MECOM: variants seen among roughly 807,000 people sequenced by gnomAD.
MECOM encodes histone-lysine N-methyltransferase MECOM.
In MECOM, 13 loss-of-function variants were observed where a neutral mutation model predicts 116.3. The ratio of observed to expected loss-of-function variants is 0.11; its 90% CI spans 0.07 to 0.18. The LOEUF (loss-of-function observed/expected upper bound fraction) is 0.18. Among genes scored for constraint, MECOM ranks in the 10% least tolerant of loss-of-function variants. The pLI is 1.00. For missense variants in MECOM, 1,299 were observed against 1,509.0 expected (o/e 0.86, Z 2.31); for synonymous variants, 528 against 535.2 (o/e 0.99, Z 0.19).
chr3:169,096,252 T>C (rs1043954770), intron 12 of MECOM, among the ~76,000 whole-genome samples: 1 of 151,832 alleles, frequency 6.6e-6, no homozygotes, highest in African/African-American at 2.4e-5. Flanking sequence ...AAAAAAAAGT[T>C]AACTTTCTCC....
chr3:169,174,027 T>C (rs1288887651), intron 2 of MECOM, among the ~76,000 whole-genome samples: 1 of 152,216 alleles, frequency 6.6e-6, no homozygotes, highest in Non-Finnish European at 1.5e-5. Flanking sequence ...AATGTCTCTT[T>C]GCCCAGCATA....
At chr3:169,328,065 T>A (rs565451123) in intron 2 of MECOM, among the ~76,000 whole-genome samples, 8 of 152,312 alleles carry the variant, frequency 5.3e-5, no homozygotes, top group Non-Finnish European at 1.0e-4. Flanking sequence ...GAGCATTTTG[T>A]TTCCATGCTA....
Position 169,115,322 on chromosome 3 carries a change from C to A in MECOM, c.2489+61G>T. 9.9e-6 allele frequency: 15 copies of A among 1,522,360 alleles called. No individual in the cohort carries two copies. In the South Asian group the frequency reaches 1.4e-4, roughly 14 times the overall value. The allele number at this position is 1,522,360 out of a possible 1,614,324, so 94.3% of individuals were successfully genotyped here. A position where few individuals can be genotyped will look rare whatever the true frequency, so the allele number is the denominator to read the frequency against. ...GATGTGTTAAAAAGCCATCACTTTA[C>A]AGTGGAAATACCGCCTTTCATACAT... On this transcript the variant is annotated intron_variant, in intron 8 of 16. Coordinates refer to ENST00000651503, the MANE Select transcript of MECOM (RefSeq NM_004991.4).
At chr3:169,599,648 A>G (rs1390863702) in intron 1 of MECOM, among the ~76,000 whole-genome samples, 1 of 152,214 alleles carries the variant, frequency 6.6e-6, no homozygotes, top group Non-Finnish European at 1.5e-5. Context: ...CATTGTACCA[A>G]CAATCAATTC....
chr3:169,264,307 C>G (rs1162226646), intron 2 of MECOM, among the ~76,000 whole-genome samples: 1 of 152,168 alleles, frequency 6.6e-6, no homozygotes, highest in African/African-American at 2.4e-5. Flanking sequence ...GAGACAGATT[C>G]TATACTTTCT....
At chr3:169,295,768 T>C (rs73034972) in intron 2 of MECOM, among the ~76,000 whole-genome samples, 10,641 of 152,182 alleles carry the variant, frequency 0.07, 1,214 homozygotes, top group African/African-American at 0.24. Flanking sequence ...CCCGTGCTGC[T>C]CTCTACCTCC....
chr3:169,141,510 CA>C (rs1173225575), intron 3 of MECOM, among the ~76,000 whole-genome samples: 2 of 151,870 alleles, frequency 1.3e-5, no homozygotes, highest in African/African-American at 2.4e-5. Flanking sequence ...GAAAAGAGAG[CA>C]AAAAACAGAC....
At chr3:169,574,187 T>C (rs1196838542) in intron 1 of MECOM, among the ~76,000 whole-genome samples, 4 of 152,082 alleles carry the variant, frequency 2.6e-5, no homozygotes, top group African/African-American at 9.7e-5. Context: ...AACAGCAAAA[T>C]AAAATAAAAA....
intron 2 of MECOM, among the ~76,000 whole-genome samples, chr3:169,293,627 C>T (rs1715034182): frequency 6.6e-6 from 1 of 152,154 alleles, no homozygotes; most frequent in South Asian, 2.1e-4. Flanking sequence ...ACTCTTTATC[C>T]CCTTCCTCAT....
At chr3:169,644,232 AT>A (rs1773860133) in intron 1 of MECOM, among the ~76,000 whole-genome samples, 1 of 125,818 alleles carries the variant, frequency 7.9e-6, no homozygotes, top group African/African-American at 3.1e-5. Context: ...TATTTTATTT[AT>A]TTGTTTATTT....
At chr3:169,621,630 G>A (rs1770746328) in intron 1 of MECOM, among the ~76,000 whole-genome samples, 1 of 152,120 alleles carries the variant, frequency 6.6e-6, no homozygotes, top group Non-Finnish European at 1.5e-5. Context: ...GGTGGTGCAT[G>A]CCTGTAATCC....
chr3:169,405,448 T>C (rs1330865355), intron 1 of MECOM, among the ~76,000 whole-genome samples: 2 of 152,236 alleles, frequency 1.3e-5, no homozygotes, highest in Non-Finnish European at 2.9e-5. Context: ...CTATTTCAAT[T>C]GAGTTCAGTG....
chr3:169,415,159 A>G (rs543671914), intron 1 of MECOM, among the ~76,000 whole-genome samples: 2 of 152,346 alleles, frequency 1.3e-5, no homozygotes, highest in African/African-American at 4.8e-5. Context: ...CACAAACAGA[A>G]GCCCATCAGA....
intron 1 of MECOM, among the ~76,000 whole-genome samples, chr3:169,384,464 A>T (rs1732971487): frequency 6.6e-6 from 1 of 152,182 alleles, no homozygotes; most frequent in African/African-American, 2.4e-5. Flanking sequence ...TTGCAATTCA[A>T]CCTAACATTT....
At chr3:169,584,374 G>C (rs1765499593) in intron 1 of MECOM, among the ~76,000 whole-genome samples, 1 of 151,208 alleles carries the variant, frequency 6.6e-6, no homozygotes, top group Non-Finnish European at 1.5e-5. Flanking sequence ...GACCATCTTG[G>C]CTAACACGGT....
chr3:169,514,954 T>C (rs1456374212), intron 1 of MECOM, among the ~76,000 whole-genome samples: 2 of 152,206 alleles, frequency 1.3e-5, no homozygotes, highest in African/African-American at 4.8e-5. Context: ...AATCAAAAAC[T>C]TTTTAGAATC....
chr3:169,285,945 TTG>T (rs1164959960), intron 2 of MECOM, among the ~76,000 whole-genome samples: 1 of 152,200 alleles, frequency 6.6e-6, no homozygotes. Flanking sequence ...GAATGTACTT[TTG>T]TGTGTTTAAT....
intron 1 of MECOM, among the ~76,000 whole-genome samples, chr3:169,414,992 AG>A (rs1169265357): frequency 3.3e-5 from 5 of 152,230 alleles, no homozygotes; most frequent in Non-Finnish European, 7.3e-5. Context: ...TCTGCAACCT[AG>A]CAAGACAAGC....
intron 1 of MECOM, among the ~76,000 whole-genome samples, chr3:169,553,456 G>A (rs1279012489): frequency 6.6e-6 from 1 of 152,180 alleles, no homozygotes; most frequent in East Asian, 1.9e-4. Context: ...TATGTCCCAA[G>A]TACCTATAAG....
Sources: gnomAD v4.1 joint callset for allele counts (sites outside exome capture counted in the v4.1 genomes callset) on GRCh38, gnomAD v4.1.1 for gene constraint, MANE v1.5 for transcripts, NCBI Gene and HGNC (gene_info 2026-07-23, HGNC 2026-07-21) for gene names.